Variants in ATG7 observed in about 807,000 individuals in gnomAD.
The protein encoded by ATG7 is ubiquitin-like modifier-activating enzyme ATG7.
ATG7 carries 70 observed loss-of-function variants against 82.4 expected under a neutral mutation model. The observed-to-expected ratio is 0.85, with a 90% confidence interval of 0.70 to 1.04. ATG7 has a LOEUF of 1.04. ATG7 is among the 50% of genes least tolerant of loss of function. The pLI is 0.00. For synonymous variants in ATG7, 287 were observed against 313.0 expected, an observed-to-expected ratio of 0.92 and a Z score of 0.88; for missense variants, 792 against 864.3, an observed-to-expected ratio of 0.92 and a Z score of 1.05.
chr3:11,273,992 C>G (rs894164208), intron 1 of ATG7, among the ~76,000 whole-genome samples: 17 of 152,164 alleles, frequency 1.1e-4, no homozygotes, highest in Admixed American at 4.6e-4. Context: ...CAACGCTGCT[C>G]CAGTCTTGTT....
chr3:11,433,399 CCTT>C (rs1470975403), intron 20 of ATG7, among the ~76,000 whole-genome samples: 3 of 151,224 alleles, frequency 2.0e-5, no homozygotes, highest in Non-Finnish European at 4.4e-5. Context: ...CTGTGACTTA[CCTT>C]CTTAGAGTTA....
At chr3:11,355,619 C>T (rs569051055) in intron 14 of ATG7, among the ~76,000 whole-genome samples, 4 of 152,166 alleles carry the variant, frequency 2.6e-5, no homozygotes, top group African/African-American at 4.8e-5. Flanking sequence ...AAATGCTCAA[C>T]GTCAATAGTC....
Position 11,553,794 on chromosome 3 carries a change from T to C in ATG7, c.2080-1017T>C, listed in dbSNP as rs1044457648. The stretch of plus-strand genomic sequence containing the variant: ...TCAGGAGAGAGGAAATTTCCTTCTA[T>C]TTATTTTCGACATCCTCGACTTTGA... On this transcript the variant is annotated intron_variant, in intron 20 of 20. Transcript: ENST00000693202. Among the ~76,000 whole-genome samples the C allele has an allele frequency of 1.1e-4, 16 of 152,288 alleles. No homozygotes were observed. The East Asian group carries it at 3.1e-3, about 29-fold the overall frequency.
chr3:11,366,971 C>CTG (rs60183965), intron 18 of ATG7, among the ~76,000 whole-genome samples: 44,892 of 139,392 alleles, frequency 0.32, 6,914 homozygotes, highest in South Asian at 0.44. Flanking sequence ...ATGGGAAAAG[C>CTG]TGTGTGTGTG....
At chr3:11,424,653 G>A (rs911494447) in intron 19 of ATG7, among the ~76,000 whole-genome samples, 3 of 151,440 alleles carry the variant, frequency 2.0e-5, no homozygotes, top group Admixed American at 6.6e-5. Context: ...AATAAATATT[G>A]AATAATTATT....
At chr3:11,561,891 CTTTTTTTTTTTTTTTT>C (rs35380668), downstream of ATG7, among the ~76,000 whole-genome samples, 2 of 88,590 alleles carry the variant, frequency 2.3e-5, no homozygotes, top group East Asian at 3.8e-4. Flanking sequence ...CTGCGCCAAA[CTTTTTTTTTTTTTTTT>C]TTTTTTTTTA....
intron 19 of ATG7, among the ~76,000 whole-genome samples, chr3:11,395,697 T>G (rs1450996128): frequency 6.6e-6 from 1 of 151,942 alleles, no homozygotes. Context: ...TCCCAGCACT[T>G]TGGGAGGCCG....
At chr3:11,350,923 CAA>C (rs10709080) in intron 14 of ATG7, among the ~76,000 whole-genome samples, 1,138 of 57,666 alleles carry the variant, frequency 0.02, 6 homozygotes, top group Middle Eastern at 0.1. Flanking sequence ...GACCCTAGCC[CAA>C]AAAAAAAAAA....
At chr3:11,384,847 GC>G (rs2078194403) in intron 19 of ATG7, among the ~76,000 whole-genome samples, 1 of 151,966 alleles carries the variant, frequency 6.6e-6, no homozygotes, top group Admixed American at 6.6e-5. Flanking sequence ...TGTAGTCCCA[GC>G]TACTTGGGGG....
At chr3:11,479,490 T>C (rs2088667859) in intron 20 of ATG7, among the ~76,000 whole-genome samples, 1 of 152,118 alleles carries the variant, frequency 6.6e-6, no homozygotes, top group Non-Finnish European at 1.5e-5. Flanking sequence ...AAAGCCCAGA[T>C]ATTGACCGAT....
chr3:11,440,674 C>T (rs1184268886), intron 20 of ATG7, among the ~76,000 whole-genome samples: 101 of 39,468 alleles, frequency 2.6e-3, no homozygotes, highest in South Asian at 6.4e-3. Flanking sequence ...TCCCCATTTG[C>T]TTTTTTTTTT....
At chr3:11,314,728 A>G (rs1949150499) in intron 8 of ATG7, among the ~76,000 whole-genome samples, 1 of 152,124 alleles carries the variant, frequency 6.6e-6, no homozygotes, top group East Asian at 1.9e-4. Context: ...TGAGCTCAGG[A>G]GTTCAAGACC....
intron 18 of ATG7, among the ~76,000 whole-genome samples, chr3:11,377,900 T>C (rs938944447): frequency 6.6e-6 from 1 of 152,164 alleles, no homozygotes; most frequent in African/African-American, 2.4e-5. Context: ...AGCAAACTTA[T>C]GACCCTGATT....
chr3:11,430,655 T>C (rs2082790695), intron 20 of ATG7, among the ~76,000 whole-genome samples: 1 of 152,190 alleles, frequency 6.6e-6, no homozygotes, highest in African/African-American at 2.4e-5. Context: ...CCAAGCACTG[T>C]GCTAGTAACT....
intron 20 of ATG7, among the ~76,000 whole-genome samples, chr3:11,450,176 A>G (rs2084969223): frequency 1.0e-5 from 1 of 96,446 alleles, no homozygotes; most frequent in Non-Finnish European, 2.0e-5. Flanking sequence ...CAGATGGAGA[A>G]ATTAAGGCAC....
At chr3:11,415,619 G>A (rs1004842428) in intron 19 of ATG7, among the ~76,000 whole-genome samples, 1 of 151,798 alleles carries the variant, frequency 6.6e-6, no homozygotes, top group Non-Finnish European at 1.5e-5. Context: ...ATTAGCCTAC[G>A]CCTACTCAGG....
intron 9 of ATG7, among the ~76,000 whole-genome samples, chr3:11,321,230 G>A (rs2594991): frequency 0.52 from 78,354 of 152,020 alleles, 21,457 homozygotes; most frequent in Non-Finnish European, 0.63. Context: ...CTAGTGGGGA[G>A]CCTATGGATT....
chr3:11,315,425 G>C lies in ATG7; in HGVS notation c.610G>C (p.Asp204His), dbSNP rs1487300219. Reference protein sequence around the residue: ...TALPYFLIKYDENMVLVSLLK... With the variant: ...TALPYFLIKYHENMVLVSLLK... ...TCTTCCTTACTTCTTAATCAAGTAT[G>C]ATGAGAACATGGTGCTGGTTTCCTT... The change falls in exon 9 of 21, where the codon GAT (aspartate) becomes CAT (histidine). Residue 204 changes from aspartate (D) to histidine (H), a missense_variant. Asp to His is a moderately conservative substitution (Grantham distance 81, BLOSUM62 -1). Transcript: ENST00000693202. The C allele has an allele frequency of 6.2e-7, 1 of 1,613,000 alleles. No individual in the cohort carries two copies. Among genetic ancestry groups the C allele is most frequent in the African/African-American group, 1.3e-5 (1 of 74,922 alleles).
chr3:11,304,839 G>A (rs73125409), intron 5 of ATG7, among the ~76,000 whole-genome samples: 10 of 152,092 alleles, frequency 6.6e-5, no homozygotes, highest in Non-Finnish European at 1.5e-5. Context: ...TTCTTTTTAG[G>A]AGCTATGTTG....
Sources: allele counts gnomAD v4.1 joint callset (sites outside exome capture counted in the v4.1 genomes callset), GRCh38; gene constraint gnomAD v4.1.1; transcripts MANE v1.5; gene names NCBI Gene and HGNC (gene_info 2026-07-23, HGNC 2026-07-21).